TBC1D19: variants seen among roughly 807,000 people sequenced by gnomAD.
The protein encoded by TBC1D19 is TBC1 domain family, member 19.
In TBC1D19, 60 loss-of-function variants were observed where a neutral mutation model predicts 89.0. That is an observed-to-expected ratio of 0.67 (90% CI 0.55 to 0.84). The LOEUF (loss-of-function observed/expected upper bound fraction) is 0.84. TBC1D19 is among the 40% of genes least tolerant of loss of function. The probability of loss-of-function intolerance (pLI) is 0.00; values close to 1 mark genes in which losing one functional copy is unlikely to be tolerated. For missense variants in TBC1D19, 500 were observed against 610.8 expected (o/e 0.82, Z 1.91); for synonymous variants, 189 against 199.7 (o/e 0.95, Z 0.45).
At chr4:26,783,416 T>C in the TBC1D19 span, among the ~76,000 whole-genome samples, 1 of 152,194 alleles carries the variant, frequency 6.6e-6, no homozygotes, top group Non-Finnish European at 1.5e-5. Context: ...TTGCCATATG[T>C]TAGAGAAACA....
At position 26,601,967 on chromosome 4, in the gene TBC1D19, T is replaced by C. The variant is rs559236135; in HGVS notation, c.100-11202T>C. Among the ~76,000 whole-genome samples the C allele has an allele frequency of 2.5e-3, 376 of 152,358 alleles. 2 individuals are homozygous for C. Among genetic ancestry groups the C allele is most frequent in the Non-Finnish European group, 4.6e-3 (315 of 68,036 alleles). ...CCTCTGTTGTGACATCTTTTCTTTC[T>C]TATAATGGCTTTTTGGTGTGTTTTA... On this transcript the variant is annotated intron_variant, in intron 1 of 20. Transcript: ENST00000264866.
At chr4:26,835,948 T>C in the TBC1D19 span, among the ~76,000 whole-genome samples, 1 of 151,714 alleles carries the variant, frequency 6.6e-6, no homozygotes, top group Admixed American at 6.6e-5. Flanking sequence ...CTATACCACA[T>C]GCATTCTGGT....
chr4:26,592,180 A>C (rs1415489368), intron 1 of TBC1D19, among the ~76,000 whole-genome samples: 1 of 152,264 alleles, frequency 6.6e-6, no homozygotes, highest in African/African-American at 2.4e-5. Flanking sequence ...AGGCTGGTTC[A>C]ACATATGCAA....
At chr4:26,739,426 A>G (rs1051795200) in intron 16 of TBC1D19, among the ~76,000 whole-genome samples, 1 of 152,194 alleles carries the variant, frequency 6.6e-6, no homozygotes, top group Non-Finnish European at 1.5e-5. Context: ...CATCTGTTTT[A>G]CTTACCTGAC....
In TBC1D19 at chr4:26,688,957, A is replaced by G. The variant is rs375853868; in HGVS notation, c.954+550A>G. Among the ~76,000 whole-genome samples, 12 of 152,152 alleles carry G rather than the reference A, an allele frequency of 7.9e-5. No homozygotes were observed. The East Asian group carries it at 1.2e-3, about 15-fold the overall frequency. ...GATGTTCTTTTTTAAAAAGATATGT[A>G]CATATTAATAATTTGATTTTGAATG... On this transcript the variant is annotated intron_variant, in intron 13 of 20. Coordinates refer to ENST00000264866, the MANE Select transcript of TBC1D19 (RefSeq NM_018317.4).
chr4:26,717,113 T>A (rs1716677090), intron 13 of TBC1D19, among the ~76,000 whole-genome samples: 1 of 152,140 alleles, frequency 6.6e-6, no homozygotes, highest in South Asian at 2.1e-4. Context: ...ATCCCCTTTC[T>A]TGTGTCTTGG....
chr4:26,654,065 C>G (rs1353202967), intron 7 of TBC1D19, among the ~76,000 whole-genome samples: 1 of 152,156 alleles, frequency 6.6e-6, no homozygotes, highest in African/African-American at 2.4e-5. Flanking sequence ...TTAGGGCAGG[C>G]CTGGTGGTGA....
upstream of TBC1D19, among the ~76,000 whole-genome samples, chr4:26,583,537 T>C (rs146932379): frequency 3.7e-3 from 558 of 152,290 alleles, 3 homozygotes; most frequent in Non-Finnish European, 6.3e-3. Context: ...TAATTTGTAG[T>C]TGTTAGATGA....
chr4:26,641,738 C>A (rs1743554812), intron 7 of TBC1D19, among the ~76,000 whole-genome samples: 1 of 152,136 alleles, frequency 6.6e-6, no homozygotes, highest in Non-Finnish European at 1.5e-5. Context: ...CCTTGAATGA[C>A]CTGATGGAGC....
At chr4:26,657,583 T>A (rs1744944229) in intron 7 of TBC1D19, among the ~76,000 whole-genome samples, 1 of 152,182 alleles carries the variant, frequency 6.6e-6, no homozygotes. Flanking sequence ...TGATTTATAA[T>A]CCTTTGGGTA....
At chr4:26,773,476 C>T in the TBC1D19 span, among the ~76,000 whole-genome samples, 2 of 152,110 alleles carry the variant, frequency 1.3e-5, no homozygotes, top group Non-Finnish European at 2.9e-5. Flanking sequence ...TTAATTAGAT[C>T]CTATTTGTCA....
intron 12 of TBC1D19, among the ~76,000 whole-genome samples, chr4:26,687,101 T>C (rs894382019): frequency 2.6e-5 from 4 of 152,148 alleles, no homozygotes; most frequent in African/African-American, 9.7e-5. Flanking sequence ...GTTGAATTGA[T>C]TATATATTGG....
intron 16 of TBC1D19, among the ~76,000 whole-genome samples, chr4:26,736,188 T>TA (rs1718034267): frequency 1.1e-5 from 1 of 94,492 alleles, no homozygotes; most frequent in Admixed American, 1.4e-4. Context: ...ATGTGGCACA[T>TA]ATACACCATG....
Position 26,620,681 on chromosome 4 carries a change from A to G in TBC1D19, c.287A>G (p.Lys96Arg), listed in dbSNP as rs374861315. The G allele has an allele frequency of 1.2e-6, 2 of 1,613,490 alleles. No individual in the cohort carries two copies. The highest frequency in any genetic ancestry group is 1.7e-6 in the Non-Finnish European group (2 of 1,179,784). The change falls in exon 4 of 21, where the codon AAA (lysine) becomes AGA (arginine). Residue 96 changes from lysine to arginine, a missense_variant. Lys to Arg is a conservative substitution (Grantham distance 26). This residue lies in a region of TBC1D19 where 280 missense variants were observed against 291.7 expected (regional missense o/e 0.96). Coordinates refer to ENST00000264866, the MANE Select transcript of TBC1D19 (RefSeq NM_018317.4). ...AAAGAACCTTTGGTATACATGAGGAAAGCACAGGTTGGCTATTGTTCAATT... is the reference window on the plus strand; with the variant it reads ...AAAGAACCTTTGGTATACATGAGGAGAGCACAGGTTGGCTATTGTTCAATT... Reference protein sequence around the residue: ...HLKEPLVYMRKAQGSWEKRIL... With the variant: ...HLKEPLVYMRRAQGSWEKRIL...
the TBC1D19 span, among the ~76,000 whole-genome samples, chr4:26,773,245 T>C: frequency 1.3e-5 from 2 of 152,230 alleles, no homozygotes; most frequent in Middle Eastern, 3.2e-3. Context: ...ATATGTTTGT[T>C]TGCCACATGT....
chr4:26,749,710 G>A (rs1360478643), intron 19 of TBC1D19, among the ~76,000 whole-genome samples: 3 of 152,112 alleles, frequency 2.0e-5, no homozygotes, highest in Non-Finnish European at 4.4e-5. Flanking sequence ...GCCTCCCAGA[G>A]TGCTGGGATT....
At chr4:26,687,640 T>C (rs1381275096) in intron 12 of TBC1D19, among the ~76,000 whole-genome samples, 1 of 152,128 alleles carries the variant, frequency 6.6e-6, no homozygotes, top group Non-Finnish European at 1.5e-5. Context: ...TTTTACTCAC[T>C]CATCAAATAT....
intron 7 of TBC1D19, among the ~76,000 whole-genome samples, chr4:26,656,563 CTT>C (rs771229390): frequency 4.2e-5 from 6 of 143,092 alleles, no homozygotes; most frequent in Non-Finnish European, 3.1e-5. Context: ...CTTTTATCTG[CTT>C]TTTTTTTTTT....
At chr4:26,640,118 GT>G in intron 6 of TBC1D19, 22 bp from the exon 7 acceptor site, 1 of 1,545,722 alleles carries the variant, frequency 6.5e-7, no homozygotes, top group Non-Finnish European at 8.9e-7. Flanking sequence ...CTGAAATTTT[GT>G]TTATAATCTA....
Sources: gnomAD v4.1 joint callset for allele counts (sites outside exome capture counted in the v4.1 genomes callset) on GRCh38, gnomAD v4.1.1 for gene constraint, gnomAD v4.1.1 regional missense constraint, MANE v1.5 for transcripts, NCBI Gene and HGNC (gene_info 2026-07-23, HGNC 2026-07-21) for gene names.